TRPC4: variants seen among roughly 807,000 people sequenced by gnomAD.
The protein encoded by TRPC4 is short transient receptor potential channel 4.
Under a neutral mutation model 99.4 loss-of-function variants are expected in TRPC4, and 49 were observed. The ratio of observed to expected loss-of-function variants is 0.49; its 90% confidence interval spans 0.39 to 0.63. TRPC4 has a LOEUF of 0.63. Ranked by LOEUF, TRPC4 falls within the 20% of genes least tolerant of loss-of-function variation. The pLI is 0.00. For synonymous variants in TRPC4, 454 were observed against 425.9 expected (o/e 1.07, Z -0.81); for missense variants, 898 against 1,152.9 (o/e 0.78, Z 3.20).
At chr13:37,769,316 T>C (rs1190151815) in intron 2 of TRPC4, among the ~76,000 whole-genome samples, 1 of 151,416 alleles carries the variant, frequency 6.6e-6, no homozygotes, top group African/African-American at 2.4e-5. Context: ...ACCTCATTTA[T>C]TAAAAAAAGA....
In TRPC4 at chr13:37,782,993, A is replaced by G; in HGVS notation, c.341T>C (p.Leu114Pro). 6.3e-7 allele frequency: 1 copy of G among 1,587,650 alleles called. No individual in the cohort carries two copies. The highest frequency in any genetic ancestry group is 8.6e-7 in the Non-Finnish European group (1 of 1,167,030). ...ACTAGGTTTTTTGTGGTTCAATAAC[A>G]GCTCAACAGCTCCGACGACTTCTTT... ...IRKEVVGAVELLLNHKKPSGE... is the reference protein window; with the variant it reads ...IRKEVVGAVEPLLNHKKPSGE... Residue 114 changes from leucine to proline, a missense_variant, in exon 2 of 11, where the codon CTG (leucine) becomes CCG (proline). Transcript: ENST00000379705.
intron 5 of TRPC4, among the ~76,000 whole-genome samples, chr13:37,666,334 C>T (rs1310069876): frequency 6.6e-6 from 1 of 152,156 alleles, no homozygotes; most frequent in East Asian, 1.9e-4. Context: ...CTATTAGGTC[C>T]CCCACTGGGG....
intron 2 of TRPC4, among the ~76,000 whole-genome samples, chr13:37,768,547 T>C (rs999172089): frequency 2.4e-4 from 36 of 151,502 alleles, no homozygotes; most frequent in African/African-American, 8.4e-4. Context: ...TCTATTGAAC[T>C]CAAGTGTTTA....
chr13:37,766,853 T>G (rs1956387596), intron 2 of TRPC4, among the ~76,000 whole-genome samples: 1 of 151,452 alleles, frequency 6.6e-6, no homozygotes, highest in African/African-American at 2.4e-5. Context: ...ATGATGAAAG[T>G]GCTTAGGCAG....
Position 37,816,772 on chromosome 13 carries a change from C to A in TRPC4, c.-27-33412G>T, listed in dbSNP as rs149811242. 2.5e-3 allele frequency among the ~76,000 whole-genome samples: 383 copies of A among 152,018 alleles called. 1 individual carries two copies. The highest frequency in any genetic ancestry group is 9.0e-3 in the African/African-American group (374 of 41,496). Reference sequence around the variant, plus strand: ...ACATAAACAGAACTAAAGACAAAAACCACATAATTATCTCAATAGACACAG... The same window carrying A: ...ACATAAACAGAACTAAAGACAAAAAACACATAATTATCTCAATAGACACAG... On this transcript the variant is annotated intron_variant, in intron 1 of 10. Transcript: ENST00000379705.
At chr13:37,720,305 C>T (rs954460827) in intron 3 of TRPC4, among the ~76,000 whole-genome samples, 1 of 152,020 alleles carries the variant, frequency 6.6e-6, no homozygotes, top group African/African-American at 2.4e-5. Flanking sequence ...CTGAAAGCAA[C>T]CACTAAAATA....
intron 6 of TRPC4, among the ~76,000 whole-genome samples, chr13:37,661,760 G>A (rs765494312): frequency 7.4e-4 from 110 of 148,538 alleles, no homozygotes; most frequent in African/African-American, 1.5e-3. Flanking sequence ...TCTCTAATCC[G>A]TTTCCCTGGC....
chr13:37,650,610 T>TCTACACACACACACAC (rs763182248), intron 8 of TRPC4, among the ~76,000 whole-genome samples: 13 of 65,090 alleles, frequency 2.0e-4, no homozygotes, highest in Non-Finnish European at 3.5e-4. Context: ...TCTCTCTCTC[T>TCTACACACACACACAC]ATACACACAC....
intron 2 of TRPC4, among the ~76,000 whole-genome samples, chr13:37,780,272 T>C (rs1956805181): frequency 6.6e-6 from 1 of 152,140 alleles, no homozygotes; most frequent in African/African-American, 2.4e-5. Flanking sequence ...TTTCTCACAT[T>C]TAAAAACTAC....
chr13:37,691,951 C>T, intron 4 of TRPC4, 48 bp downstream of exon 4: 3 of 1,526,384 alleles, frequency 2.0e-6, no homozygotes, highest in Non-Finnish European at 1.8e-6. Context: ...AACGAAATTC[C>T]GTGGCAGTAA....
At chr13:37,778,765 C>T (rs1481313474) in intron 2 of TRPC4, among the ~76,000 whole-genome samples, 1 of 151,998 alleles carries the variant, frequency 6.6e-6, no homozygotes, top group East Asian at 1.9e-4. Flanking sequence ...AATTGGGAAA[C>T]TCTCATATAT....
intron 1 of TRPC4, among the ~76,000 whole-genome samples, chr13:37,857,794 C>A (rs1828033411): frequency 6.6e-6 from 1 of 151,672 alleles, no homozygotes. Flanking sequence ...AAATCTGAGA[C>A]CTCAAACTAT....
At chr13:37,786,368 G>C (rs1651770748) in intron 1 of TRPC4, among the ~76,000 whole-genome samples, 1 of 150,524 alleles carries the variant, frequency 6.6e-6, no homozygotes, top group Non-Finnish European at 1.5e-5. Context: ...GAACAACTTT[G>C]ATGGCTAAAA....
rs1280985681 is a variant in TRPC4, at chr13:37,762,722, T to TG, written c.379-16268dup. 4.3e-4 allele frequency among the ~76,000 whole-genome samples: 24 copies of TG among 56,436 alleles called. No homozygotes were observed. The South Asian group carries it at 0.011, about 27-fold the overall frequency. The allele number at this position is 56,436 out of a possible 152,430, so 37.0% of individuals were successfully genotyped here. On this transcript the variant is annotated intron_variant, in intron 2 of 10. Coordinates refer to ENST00000379705, the MANE Select transcript of TRPC4 (RefSeq NM_016179.4). ...TCACACTCTGGGGACTGTTGTGGGG[T>TG]GGGGGGAGGGGGGAGGGATAGCATT... is the stretch of plus-strand genomic sequence containing the variant.
chr13:37,781,043 C>A (rs1186050688), intron 2 of TRPC4, among the ~76,000 whole-genome samples: 1 of 151,916 alleles, frequency 6.6e-6, no homozygotes, highest in East Asian at 1.9e-4. Flanking sequence ...GGAGCCAGGA[C>A]CTACTTGTGA....
At chr13:37,644,261 T>C (rs1384365528) in intron 8 of TRPC4, among the ~76,000 whole-genome samples, 1 of 152,172 alleles carries the variant, frequency 6.6e-6, no homozygotes, top group Admixed American at 6.5e-5. Flanking sequence ...AGAAGATATC[T>C]TTTTCTTATA....
intron 3 of TRPC4, among the ~76,000 whole-genome samples, chr13:37,699,175 G>T (rs1954019570): frequency 6.6e-6 from 1 of 151,946 alleles, no homozygotes; most frequent in Non-Finnish European, 1.5e-5. Context: ...ATCTCATAGG[G>T]TTATTGAAAA....
intron 4 of TRPC4, among the ~76,000 whole-genome samples, chr13:37,685,245 G>T (rs1194295228): frequency 1.3e-5 from 2 of 152,146 alleles, no homozygotes; most frequent in Non-Finnish European, 2.9e-5. Flanking sequence ...CACGTTCTGA[G>T]CTGTTTTTGC....
At chr13:37,709,608 C>A (rs1954406348) in intron 3 of TRPC4, among the ~76,000 whole-genome samples, 1 of 151,942 alleles carries the variant, frequency 6.6e-6, no homozygotes, top group Non-Finnish European at 1.5e-5. Flanking sequence ...TTTAACCAGT[C>A]CAATCACCAC....
Sources: gnomAD v4.1 joint callset for allele counts (sites outside exome capture counted in the v4.1 genomes callset) on GRCh38, gnomAD v4.1.1 for gene constraint, MANE v1.5 for transcripts, NCBI Gene and HGNC (gene_info 2026-07-23, HGNC 2026-07-21) for gene names.